The following STXBP5 variants were observed in gnomAD, a reference collection of about 807,000 sequenced individuals.
STXBP5 encodes the protein syntaxin-binding protein 5.
Under a neutral mutation model 152.4 loss-of-function variants are expected in STXBP5, and 50 were observed. The ratio of observed to expected loss-of-function variants is 0.33; its 90% CI spans 0.26 to 0.42. The LOEUF is 0.42. Ranked by LOEUF, STXBP5 falls within the 10% of genes least tolerant of loss-of-function variation. The pLI is 1.00. For missense variants in STXBP5, 1,167 were observed against 1,388.6 expected, an observed-to-expected ratio of 0.84 and a Z score of 2.54; for synonymous variants, 492 against 494.7, an observed-to-expected ratio of 0.99 and a Z score of 0.07.
Position 147,315,569 on chromosome 6 carries a change from G to A in STXBP5, c.1457G>A (p.Arg486Lys), listed in dbSNP as rs1386128441. 1.2e-6 allele frequency: 2 copies of A among 1,613,528 alleles called. No homozygotes were observed. The highest frequency in any genetic ancestry group is 1.7e-6 in the Non-Finnish European group (2 of 1,179,776). ...ACATCTAAAGTATTTGAAAAGTCAA[G>A]AAATAAAGATGACAGGCCAAACACA... ...LKTSKVFEKS[R>K]NKDDRPNTDI... The change falls in exon 15 of 28, where the codon AGA (arginine) becomes AAA (lysine). Residue 486 changes from arginine to lysine, a missense_variant. Coordinates refer to ENST00000321680, the MANE Select transcript of STXBP5 (RefSeq NM_001127715.4).
At chr6:147,336,199 T>C (rs1333760802) in intron 19 of STXBP5, among the ~76,000 whole-genome samples, 1 of 152,184 alleles carries the variant, frequency 6.6e-6, no homozygotes, top group Non-Finnish European at 1.5e-5. Context: ...TAGCAGGAGA[T>C]AGCAGTTATG....
chr6:147,259,791 T>A (rs867977448), intron 4 of STXBP5, among the ~76,000 whole-genome samples: 2 of 151,916 alleles, frequency 1.3e-5, no homozygotes, highest in African/African-American at 2.4e-5. Context: ...CTTTTTTTTT[T>A]AACTAAAAAT....
chr6:147,235,597 G>T (rs927308323), intron 3 of STXBP5, among the ~76,000 whole-genome samples: 1 of 152,040 alleles, frequency 6.6e-6, no homozygotes, highest in Non-Finnish European at 1.5e-5. Context: ...AAATTCCAGG[G>T]ATATTGAATA....
At chr6:147,222,299 C>T (rs1410530550) in intron 2 of STXBP5, among the ~76,000 whole-genome samples, 1 of 152,018 alleles carries the variant, frequency 6.6e-6, no homozygotes, top group Non-Finnish European at 1.5e-5. Context: ...GTATTTTTTG[C>T]CTTTTAATTT....
intron 21 of STXBP5, among the ~76,000 whole-genome samples, chr6:147,346,039 A>G (rs1784311786): frequency 6.6e-6 from 1 of 152,178 alleles, no homozygotes; most frequent in Non-Finnish European, 1.5e-5. Context: ...GTCAGAGGCA[A>G]GGGTTGAAGA....
At chr6:147,231,100 A>G (rs1243306352) in intron 2 of STXBP5, among the ~76,000 whole-genome samples, 2 of 151,804 alleles carry the variant, frequency 1.3e-5, no homozygotes, top group Non-Finnish European at 2.9e-5. Flanking sequence ...AAAAAAATAA[A>G]TAGATAAGGT....
intron 26 of STXBP5, among the ~76,000 whole-genome samples, chr6:147,381,371 G>A (rs1053483620): frequency 6.6e-6 from 1 of 152,118 alleles, no homozygotes; most frequent in African/African-American, 2.4e-5. Context: ...TCATCAAAAA[G>A]ATTCACAATA....
At chr6:147,309,174 T>C (rs1269081588) in intron 9 of STXBP5, among the ~76,000 whole-genome samples, 1 of 151,800 alleles carries the variant, frequency 6.6e-6, no homozygotes, top group Non-Finnish European at 1.5e-5. Context: ...ATTCTAGAGA[T>C]GGAAAAGAAG....
At chr6:147,279,953 T>C (rs961314344) in intron 8 of STXBP5, among the ~76,000 whole-genome samples, 15 of 152,140 alleles carry the variant, frequency 9.9e-5, no homozygotes, top group African/African-American at 3.4e-4. Context: ...AGCTTGAAGA[T>C]TATCTGTTTT....
At chr6:147,369,447 A>G (rs1450160690) in intron 25 of STXBP5, among the ~76,000 whole-genome samples, 2 of 152,078 alleles carry the variant, frequency 1.3e-5, no homozygotes, top group Admixed American at 1.3e-4. Flanking sequence ...AGCAACATCC[A>G]TAAAAGAACA....
chr6:147,238,858 A>G (rs1376708334), intron 3 of STXBP5, among the ~76,000 whole-genome samples: 1 of 152,222 alleles, frequency 6.6e-6, no homozygotes, highest in Non-Finnish European at 1.5e-5. Flanking sequence ...AGTAACTTAC[A>G]GTCTGACCTC....
chr6:147,314,675 A>G (rs1170868474), intron 14 of STXBP5, 39 bp downstream of exon 14: 2 of 1,485,386 alleles, frequency 1.3e-6, no homozygotes, highest in Non-Finnish European at 1.8e-6. Context: ...TATATGTTAT[A>G]CAATCACTGC....
At chr6:147,278,982 C>G (rs905832288) in intron 8 of STXBP5, among the ~76,000 whole-genome samples, 1 of 152,110 alleles carries the variant, frequency 6.6e-6, no homozygotes, top group Non-Finnish European at 1.5e-5. Flanking sequence ...TCGAGACTCC[C>G]AGAAGCAAGG....
intron 4 of STXBP5, among the ~76,000 whole-genome samples, chr6:147,252,069 T>C (rs1779125632): frequency 6.6e-6 from 1 of 152,092 alleles, no homozygotes; most frequent in Non-Finnish European, 1.5e-5. Flanking sequence ...AAACACCATC[T>C]TAAGATTACC....
intron 8 of STXBP5, among the ~76,000 whole-genome samples, chr6:147,278,748 T>A (rs1780562368): frequency 6.6e-6 from 1 of 152,134 alleles, no homozygotes; most frequent in African/African-American, 2.4e-5. Flanking sequence ...TAAAGCAGAA[T>A]CTGCAAAGGG....
chr6:147,233,020 A>G lies in STXBP5; in HGVS notation c.249-2230A>G, dbSNP rs188254667. ...GCTCAAATTAGTAGACCTGTTGCTT[A>G]TTCTTTACTTACCAAGAATCAGTTT... On this transcript the variant is annotated intron_variant, in intron 2 of 27. Coordinates refer to ENST00000321680, the MANE Select transcript of STXBP5 (RefSeq NM_001127715.4). 5.3e-5 allele frequency among the ~76,000 whole-genome samples: 8 copies of G among 151,972 alleles called. No individual in the cohort carries two copies. In the East Asian group the frequency reaches 1.5e-3, roughly 29 times the overall value.
intron 4 of STXBP5, 23 bp downstream of exon 4, chr6:147,239,293 T>G: frequency 6.3e-7 from 1 of 1,586,972 alleles, no homozygotes; most frequent in South Asian, 1.1e-5. Flanking sequence ...CCAGTTATCT[T>G]ATGTATAGGA....
At chr6:147,283,957 G>A (rs768886250) in intron 8 of STXBP5, among the ~76,000 whole-genome samples, 12 of 152,142 alleles carry the variant, frequency 7.9e-5, no homozygotes, top group Non-Finnish European at 1.6e-4. Flanking sequence ...GGTAACGTGA[G>A]CTGCGTGTGT....
At chr6:147,278,650 A>G (rs975628280) in intron 8 of STXBP5, among the ~76,000 whole-genome samples, 2 of 152,090 alleles carry the variant, frequency 1.3e-5, no homozygotes, top group African/African-American at 4.8e-5. Context: ...CCTCAGAATC[A>G]CCCTAGATTT....
Sources: allele counts gnomAD v4.1 joint callset (sites outside exome capture counted in the v4.1 genomes callset), GRCh38; gene constraint gnomAD v4.1.1; transcripts MANE v1.5; gene names NCBI Gene and HGNC (gene_info 2026-07-23, HGNC 2026-07-21).